The following TENM1 variants were observed in gnomAD, a reference collection of about 807,000 sequenced individuals.
TENM1 encodes teneurin transmembrane protein 1.
In TENM1, 35 loss-of-function variants were observed where a neutral mutation model predicts 174.8. The ratio of observed to expected loss-of-function variants is 0.20; its 90% confidence interval spans 0.15 to 0.27. The LOEUF (loss-of-function observed/expected upper bound fraction) is 0.27. Ranked by LOEUF, TENM1 falls within the 10% of genes least tolerant of loss-of-function variation. TENM1 has a pLI of 1.00. For synonymous variants in TENM1, 781 were observed against 798.7 expected (o/e 0.98, Z 0.37); for missense variants, 1,633 against 2,130.1 (o/e 0.77, Z 4.59).
intron 3 of TENM1, among the ~76,000 whole-genome samples, chrX:124,764,610 T>C (rs1409008587): frequency 2.7e-5 from 3 of 110,063 alleles, no homozygotes; most frequent in Admixed American, 2.0e-4. Context: ...ACAAATGTGT[T>C]CCAGTTTCTG....
At chrX:124,826,630 G>C (rs758902549) in intron 3 of TENM1, among the ~76,000 whole-genome samples, 5 of 111,482 alleles carry the variant, frequency 4.5e-5, no homozygotes, top group Non-Finnish European at 9.4e-5. Flanking sequence ...AAAAAATTCA[G>C]AAATCTGCAA....
the TENM1 span, among the ~76,000 whole-genome samples, chrX:125,176,998 C>T: frequency 8.1e-5 from 9 of 111,511 alleles, no homozygotes; most frequent in Non-Finnish European, 1.3e-4. Flanking sequence ...ACACCATATA[C>T]AAAATATTAA....
chrX:125,121,150 G>T, the TENM1 span, among the ~76,000 whole-genome samples: 1 of 111,787 alleles, frequency 8.9e-6, no homozygotes, highest in South Asian at 3.7e-4. Flanking sequence ...TTTATAGTCA[G>T]ATTATTTTAA....
intron 1 of TENM1, among the ~76,000 whole-genome samples, chrX:124,910,462 T>G (rs2057817981): frequency 8.9e-6 from 1 of 112,252 alleles, no homozygotes; most frequent in Non-Finnish European, 1.9e-5. Context: ...ACAGGATAGA[T>G]GTAATATGAG....
intron 4 of TENM1, among the ~76,000 whole-genome samples, chrX:124,723,264 A>G (rs1181422586): frequency 8.9e-6 from 1 of 112,230 alleles, no homozygotes; most frequent in African/African-American, 3.2e-5. Flanking sequence ...TTGGCTGCTT[A>G]AAATTTATAA....
chrX:125,027,590 CAA>C, the TENM1 span, among the ~76,000 whole-genome samples: 1 of 104,974 alleles, frequency 9.5e-6, no homozygotes, highest in African/African-American at 3.4e-5. Context: ...CCATAACTGA[CAA>C]AGATTTCTTT....
chrX:124,651,726 C>A (rs1036531607), intron 8 of TENM1, among the ~76,000 whole-genome samples, 188 bp downstream of exon 11: 1 of 111,276 alleles, frequency 9.0e-6, no homozygotes, highest in African/African-American at 3.3e-5. Flanking sequence ...TAAAAAAAAT[C>A]TTAATCAGCA....
At chrX:124,697,487 C>T (rs1472900475) in intron 5 of TENM1, among the ~76,000 whole-genome samples, 1 of 110,737 alleles carries the variant, frequency 9.0e-6, no homozygotes, top group African/African-American at 3.3e-5. Context: ...TGTAAGTCTA[C>T]CCAGGAAAGA....
chrX:124,800,348 G>C (rs1227138212), intron 3 of TENM1, among the ~76,000 whole-genome samples: 2 of 111,393 alleles, frequency 1.8e-5, no homozygotes, highest in East Asian at 5.6e-4. Flanking sequence ...TATGTGTTCA[G>C]GAATTTATTC....
Position 124,857,615 on chromosome X carries a change from G to A in TENM1, c.535+36681C>T, listed in dbSNP as rs185227508. On this transcript the variant is annotated intron_variant, in intron 3 of 31. Coordinates refer to ENST00000422452, the Ensembl canonical transcript of TENM1. Reference sequence around the variant, plus strand: ...AGGAGTAGGAAGATGACAGCTGAGTGTAAAGGGTTTTTGTGAGGTGATGAA... The same window carrying A: ...AGGAGTAGGAAGATGACAGCTGAGTATAAAGGGTTTTTGTGAGGTGATGAA... 1.5e-3 allele frequency among the ~76,000 whole-genome samples: 172 copies of A among 111,553 alleles called. 1 individual carries two copies. In the East Asian group the frequency reaches 0.028, roughly 18 times the overall value.
At chrX:124,975,409 AG>A in the TENM1 span, among the ~76,000 whole-genome samples, 1 of 112,114 alleles carries the variant, frequency 8.9e-6, no homozygotes, top group Non-Finnish European at 1.9e-5. Flanking sequence ...TTAGCATTAA[AG>A]TACTTATGCA....
chrX:124,918,352 G>C (rs1164485381), intron 1 of TENM1, among the ~76,000 whole-genome samples: 1 of 109,961 alleles, frequency 9.1e-6, no homozygotes, highest in Non-Finnish European at 1.9e-5. Context: ...GCTAATTTTT[G>C]TATTTTTAAT....
the TENM1 span, among the ~76,000 whole-genome samples, chrX:125,047,088 C>A: frequency 5.4e-5 from 6 of 110,728 alleles, no homozygotes; most frequent in Admixed American, 2.9e-4. Context: ...CTTCGAGAGG[C>A]CACAAACTGA....
intron 3 of TENM1, among the ~76,000 whole-genome samples, chrX:124,834,002 C>T (rs772760215): frequency 1.8e-5 from 2 of 110,733 alleles, no homozygotes; most frequent in South Asian, 7.9e-4. Flanking sequence ...TCTGTGAGGT[C>T]TGCAGGTCCA....
rs753100747 is a variant in TENM1 at position 124,509,713 on chromosome X, A to AT, written c.3302-6011dup. 3.4e-3 allele frequency among the ~76,000 whole-genome samples: 258 copies of AT among 75,846 alleles called. 1 individual carries two copies. The highest frequency in any genetic ancestry group is 6.1e-3 in the East Asian group (15 of 2,456). 65.9% of individuals were successfully genotyped at this position (75,846 alleles called of 115,157 possible). On this transcript the variant is annotated intron_variant, in intron 18 of 31. Transcript: ENST00000422452. Reference sequence around the variant, plus strand: ...CTTGAAGGATTACCTACTTTCTGGAATTTTTTTTTTTTTTTTTTTTTTTTT... The same window carrying AT: ...CTTGAAGGATTACCTACTTTCTGGAATTTTTTTTTTTTTTTTTTTTTTTTTT...
At chrX:124,552,614 C>T (rs2048600752) in intron 14 of TENM1, among the ~76,000 whole-genome samples, 1 of 111,888 alleles carries the variant, frequency 8.9e-6, no homozygotes, top group African/African-American at 3.3e-5. Context: ...CCATTGATGG[C>T]TTTTCATATC....
At chrX:124,490,535 C>G (rs1414193262) in intron 20 of TENM1, among the ~76,000 whole-genome samples, 3 of 111,840 alleles carry the variant, frequency 2.7e-5, no homozygotes, top group Non-Finnish European at 1.9e-5. Flanking sequence ...AAGTCCAGAG[C>G]ACAATGTATG....
intron 14 of TENM1, among the ~76,000 whole-genome samples, chrX:124,557,381 AATTT>A (rs2048716639): frequency 9.0e-6 from 1 of 110,867 alleles, no homozygotes; most frequent in Admixed American, 9.5e-5. Context: ...TACTAAGTCA[AATTT>A]ATTGTTTTTT....
chrX:124,880,767 C>T (rs1397762642), intron 3 of TENM1, among the ~76,000 whole-genome samples: 2 of 111,467 alleles, frequency 1.8e-5, no homozygotes, highest in Non-Finnish European at 3.8e-5. Flanking sequence ...TTATCAAATG[C>T]TTTTCTACAT....
Sources: gnomAD v4.1 joint callset for allele counts (sites outside exome capture counted in the v4.1 genomes callset) on GRCh38, gnomAD v4.1.1 for gene constraint, MANE v1.5 for transcripts, NCBI Gene and HGNC (gene_info 2026-07-23, HGNC 2026-07-21) for gene names.